The following DBH variants were observed in gnomAD, a reference collection of about 807,000 sequenced individuals.
DBH encodes dopamine beta-hydroxylase.
Under a neutral mutation model 64.0 loss-of-function variants are expected in DBH, and 49 were observed. The observed-to-expected ratio is 0.77, with a 90% CI of 0.61 to 0.97. The LOEUF is 0.97. Among genes scored for constraint, DBH ranks in the 50% least tolerant of loss-of-function variants. DBH has a pLI of 0.00. For missense variants in DBH, 828 were observed against 826.6 expected (o/e 1.00, Z -0.02); for synonymous variants, 343 against 347.1 (o/e 0.99, Z 0.13).
rs75734048 is a variant in DBH at position 133,636,662 on chromosome 9, C to T, written c.291C>T (p.Asn97=). ...FGMSDRGELE[N]ADLVVLWTDG... Reference sequence around the variant, plus strand: ...TGTCCGACCGTGGCGAGCTTGAGAACGCAGATCTCGTGGTGCTCTGGACCG... The same window carrying T: ...TGTCCGACCGTGGCGAGCTTGAGAATGCAGATCTCGTGGTGCTCTGGACCG... Residue 97 remains asparagine, a synonymous_variant, in exon 1 of 12, where the codon AAC becomes AAT. Coordinates refer to ENST00000393056, the MANE Select transcript of DBH (RefSeq NM_000787.4). 329 of 1,610,212 alleles carry T rather than the reference C, an allele frequency of 2.0e-4. 1 individual carries two copies. Among genetic ancestry groups the T allele is most frequent in the Middle Eastern group, 1.6e-4 (1 of 6,084 alleles).
chr9:133,657,440 GAGGAGAGAGAGGAGAGAGGGAGA>G (rs1175534814), intron 11 of DBH: 1 of 538,948 alleles, frequency 1.9e-6, no homozygotes, highest in Non-Finnish European at 3.3e-6. Flanking sequence ...AGAGGAGAGA[GAGGAGAGAGAGGAGAGAGGGAGA>G]GGGAGAGAGG....
At chr9:133,649,000 G>T (rs962050037) in intron 6 of DBH, among the ~76,000 whole-genome samples, 6 of 152,074 alleles carry the variant, frequency 3.9e-5, no homozygotes, top group Non-Finnish European at 7.3e-5. Flanking sequence ...CCCATCTTCT[G>T]CTCCCTCCCA....
At chr9:133,647,201 TAAATC>T (rs1293924897) in intron 5 of DBH, among the ~76,000 whole-genome samples, 1 of 152,168 alleles carries the variant, frequency 6.6e-6, no homozygotes, top group African/African-American at 2.4e-5. Context: ...CTGCAGGACA[TAAATC>T]AAAGTAGTAA....
At chr9:133,646,136 C>A (rs1228675166) in intron 5 of DBH, among the ~76,000 whole-genome samples, 1 of 152,138 alleles carries the variant, frequency 6.6e-6, no homozygotes, top group African/African-American at 2.4e-5. Context: ...TAATTTTTTT[C>A]TTGTGACTAG....
chr9:133,656,937 C>T (rs73662175), intron 10 of DBH, 133 bp from the exon 11 acceptor site: 28,021 of 1,095,560 alleles, frequency 0.026, 517 homozygotes, highest in Middle Eastern at 0.065. Context: ...GCGGAGGCAG[C>T]GGGGCTGGGG....
chr9:133,644,414 T>C, intron 5 of DBH, 94 bp downstream of exon 5: 1 of 986,912 alleles, frequency 1.0e-6, no homozygotes, highest in South Asian at 1.3e-5. Context: ...CCCAGCATGG[T>C]GCCCCCGCTG....
At position 133,642,248 on chromosome 9, in the gene DBH, G is replaced by A. The variant is rs551376703; in HGVS notation, c.528G>A (p.Pro176=). ...VHLVYGILEE[P]FRSLEAINGS... is the part of the protein sequence containing the mutation. ...TGGTCTACGGGATCCTGGAGGAGCC[G>A]TTCCGGTCACTGGAGGCCATCAACG... The change falls in exon 3 of 12, where the codon CCG becomes CCA. Residue 176 remains proline, a synonymous_variant. Transcript: ENST00000393056. The A allele has an allele frequency of 3.8e-5, 61 of 1,613,930 alleles. No individual in the cohort carries two copies. The highest frequency in any genetic ancestry group is 5.0e-5 in the Admixed American group (3 of 60,018).
chr9:133,656,830 G>A (rs1462156208), intron 10 of DBH, among the ~76,000 whole-genome samples, 180 bp downstream of exon 10: 1 of 152,204 alleles, frequency 6.6e-6, no homozygotes, highest in Non-Finnish European at 1.5e-5. Context: ...TGGCTTCAGA[G>A]CCTCCTCAAC....
intron 11 of DBH, among the ~76,000 whole-genome samples, chr9:133,657,485 A>AG (rs1228176391): frequency 6.4e-4 from 94 of 146,556 alleles, no homozygotes; most frequent in African/African-American, 1.8e-3. Flanking sequence ...AGAGGGAGAG[A>AG]GGAGAGAGAG....
chr9:133,639,527 G>A (rs566980768), intron 1 of DBH, among the ~76,000 whole-genome samples: 5 of 152,290 alleles, frequency 3.3e-5, no homozygotes, highest in Admixed American at 1.3e-4. Context: ...TCAGTGTCCC[G>A]CCCGCCAGGC....
rs769469848 is a variant in DBH, at chr9:133,642,358, C to T, written c.638C>T (p.Thr213Ile). The stretch of plus-strand genomic sequence containing the variant: ...CCGGAGTTGCCCTCAGACGCGTGCA[C>T]CATGGAGGTCCAAGCTCCCAATATC... ...PEPELPSDAC[T>I]MEVQAPNIQI... Residue 213 changes from threonine (T) to isoleucine (I), a missense_variant, in exon 3 of 12, where the codon ACC becomes ATC. Transcript: ENST00000393056. 3 of 1,614,148 alleles carry T rather than the reference C, an allele frequency of 1.9e-6. No homozygotes were observed. Among genetic ancestry groups the T allele is most frequent in the East Asian group, 2.2e-5 (1 of 44,864 alleles).
rs752479831 is a variant in DBH, at chr9:133,639,914, G to T, written c.408G>T (p.Val136=). ...AGCAGGACTACCAGCTGCTGCAGGTGCAGAGGACCCCAGAAGGCCTGACCC... is the reference window on the plus strand; with the variant it reads ...AGCAGGACTACCAGCTGCTGCAGGTTCAGAGGACCCCAGAAGGCCTGACCC... ...DPQQDYQLLQ[V]QRTPEGLTLL... Residue 136 remains valine, a synonymous_variant, in exon 2 of 12, where the codon GTG becomes GTT. Transcript: ENST00000393056. The T allele has an allele frequency of 1.9e-6, 3 of 1,613,584 alleles. No individual in the cohort carries two copies. The highest frequency in any genetic ancestry group is 4.5e-5 in the East Asian group (2 of 44,890).
intron 1 of DBH, among the ~76,000 whole-genome samples, chr9:133,639,226 CAAAAAA>C (rs60989647): frequency 2.3e-5 from 3 of 132,018 alleles, no homozygotes; most frequent in African/African-American, 8.3e-5. Flanking sequence ...GACCCTATCT[CAAAAAA>C]AAAAAAAAAA....
At position 133,651,736 on chromosome 9, in the gene DBH, G is replaced by C. The variant is rs766057328; in HGVS notation, c.1294G>C (p.Glu432Gln). The change falls in exon 7 of 12, where the codon GAG (glutamate) becomes CAG (glutamine). Residue 432 changes from glutamate to glutamine, a missense_variant. Glu to Gln is a conservative substitution (Grantham distance 29, BLOSUM62 2). Transcript: ENST00000393056. ...TVLVRDGREW[E>Q]IVNQDNHYSP... The stretch of plus-strand genomic sequence containing the variant: ...GCTGGTCCGGGACGGCCGGGAGTGG[G>C]AGATCGTGAACCAGGACAATCACTA... The C allele has an allele frequency of 6.2e-7, 1 of 1,613,624 alleles. No individual in the cohort carries two copies. The highest frequency in any genetic ancestry group is 8.5e-7 in the Non-Finnish European group (1 of 1,179,930).
intron 1 of DBH, among the ~76,000 whole-genome samples, 190 bp from the exon 2 acceptor site, chr9:133,639,656 G>C (rs919693584): frequency 1.3e-5 from 2 of 152,222 alleles, no homozygotes; most frequent in African/African-American, 4.8e-5. Context: ...TCTCCAGGCA[G>C]AAATGGAGAT....
chr9:133,636,798 C>T (rs759696430), intron 1 of DBH, 88 bp downstream of exon 1: 33 of 1,257,758 alleles, frequency 2.6e-5, no homozygotes, highest in Non-Finnish European at 3.6e-5. Context: ...CTCCTTAACC[C>T]AGAAAGTTCT....
At position 133,636,568 on chromosome 9, in the gene DBH, G is replaced by A. The variant is rs755302704; in HGVS notation, c.197G>A (p.Ser66Asn). Reference sequence around the variant, plus strand: ...TCCCTGGAGCTCTCATGGAATGTCAGCTACACCCAGGAGGCCATCCATTTC... The same window carrying A: ...TCCCTGGAGCTCTCATGGAATGTCAACTACACCCAGGAGGCCATCCATTTC... ...EGSLELSWNV[S>N]YTQEAIHFQL... Residue 66 changes from serine (S) to asparagine (N), a missense_variant, in exon 1 of 12, where the codon AGC becomes AAC. Physicochemically the swap from Ser to Asn is conservative, Grantham distance 46. Coordinates refer to ENST00000393056, the MANE Select transcript of DBH (RefSeq NM_000787.4). 3 of 1,613,658 alleles carry A rather than the reference G, an allele frequency of 1.9e-6. No homozygotes were observed. Among genetic ancestry groups the A allele is most frequent in the Non-Finnish European group, 2.5e-6 (3 of 1,180,020 alleles).
intron 2 of DBH, 79 bp downstream of exon 2, chr9:133,640,071 C>G (rs1173245852): frequency 1.9e-6 from 3 of 1,565,884 alleles, no homozygotes; most frequent in Non-Finnish European, 2.6e-6. Flanking sequence ...GTCATAGTAC[C>G]TTTCCTGTCC....
At chr9:133,654,116 A>ATTTTATTT (rs10634261) in intron 9 of DBH, among the ~76,000 whole-genome samples, 10 of 151,312 alleles carry the variant, frequency 6.6e-5, no homozygotes, top group South Asian at 2.1e-4. Context: ...ATTTTATTTT[A>ATTTTATTT]TATTTTATTT....
Sources: gnomAD v4.1 joint callset for allele counts (sites outside exome capture counted in the v4.1 genomes callset) on GRCh38, gnomAD v4.1.1 for gene constraint, MANE v1.5 for transcripts, NCBI Gene and HGNC (gene_info 2026-07-23, HGNC 2026-07-21) for gene names.